ATP9B: variants seen among roughly 807,000 people sequenced by gnomAD.
ATP9B encodes ATPase phospholipid transporting 9B.
ATP9B carries 110 observed loss-of-function variants against 146.1 expected under a neutral mutation model. The observed-to-expected ratio is 0.75, with a 90% CI of 0.65 to 0.88. The LOEUF is 0.88. ATP9B is among the 40% of genes least tolerant of loss of function. The pLI is 0.00. For synonymous variants in ATP9B, 604 were observed against 569.7 expected (o/e 1.06, Z -0.86); for missense variants, 1,499 against 1,496.4 (o/e 1.00, Z -0.03).
At chr18:79,327,428 C>CGTGCTCTCCATGGTTAGT (rs1342414453) in intron 15 of ATP9B, among the ~76,000 whole-genome samples, 4 of 151,498 alleles carry the variant, frequency 2.6e-5, no homozygotes, top group Admixed American at 6.6e-5. Context: ...TTGCAGAGAG[C>CGTGCTCTCCATGGTTAGT]GTGCTCTCCA....
At chr18:79,283,910 CAG>C (rs2096405907) in intron 13 of ATP9B, among the ~76,000 whole-genome samples, 1 of 152,198 alleles carries the variant, frequency 6.6e-6, no homozygotes, top group Non-Finnish European at 1.5e-5. Flanking sequence ...AAACTTAACT[CAG>C]GGTGCAGCCT....
chr18:79,237,348 C>A (rs892593128), intron 11 of ATP9B, among the ~76,000 whole-genome samples: 1 of 145,418 alleles, frequency 6.9e-6, no homozygotes, highest in South Asian at 2.1e-4. Context: ...TGTGCACGGT[C>A]CGTGCACGAG....
intron 3 of ATP9B, 82 bp from the exon 4 acceptor site, chr18:79,113,157 GTT>G: frequency 1.5e-6 from 1 of 685,808 alleles, no homozygotes; most frequent in South Asian, 1.8e-5. Context: ...GTGGTTATAT[GTT>G]GTGCAGATTT....
intron 4 of ATP9B, among the ~76,000 whole-genome samples, chr18:79,119,388 A>T (rs893890747): frequency 9.9e-5 from 15 of 152,148 alleles, no homozygotes; most frequent in African/African-American, 3.6e-4. Flanking sequence ...TTCTTTTCAT[A>T]TGATTGTTCA....
chr18:79,371,453 G>A (rs999890671), intron 26 of ATP9B, among the ~76,000 whole-genome samples: 16 of 150,640 alleles, frequency 1.1e-4, no homozygotes, highest in African/African-American at 2.9e-4. Flanking sequence ...TCATATTCAC[G>A]TGTGAGGGCT....
chr18:79,299,309 C>T (rs1254004689), intron 13 of ATP9B, among the ~76,000 whole-genome samples: 1 of 152,218 alleles, frequency 6.6e-6, no homozygotes, highest in African/African-American at 2.4e-5. Context: ...CCTCCTCCCT[C>T]TCCAGCCCTT....
At position 79,302,286 on chromosome 18, in the gene ATP9B, C is replaced by T. The variant is rs568912918; in HGVS notation, c.1412-1318C>T. Among the ~76,000 whole-genome samples the T allele has an allele frequency of 6.6e-5, 10 of 152,258 alleles. No individual in the cohort carries two copies. The East Asian group carries it at 7.7e-4, about 12-fold the overall frequency. Reference sequence around the variant, plus strand: ...AGTGCAGAAACCTCCCTGCCCCCACCCTCCCCGGGGACAAGGTGAAAGCAG... The same window carrying T: ...AGTGCAGAAACCTCCCTGCCCCCACTCTCCCCGGGGACAAGGTGAAAGCAG... On this transcript the variant is annotated intron_variant, in intron 13 of 29. Transcript: ENST00000426216.
At chr18:79,220,180 A>G (rs1367620619) in intron 11 of ATP9B, among the ~76,000 whole-genome samples, 1 of 152,172 alleles carries the variant, frequency 6.6e-6, no homozygotes, top group Non-Finnish European at 1.5e-5. Context: ...CAAAGTAGTT[A>G]TTGGTGGTAA....
intron 1 of ATP9B, among the ~76,000 whole-genome samples, chr18:79,083,361 C>T (rs1056572060): frequency 1.3e-5 from 2 of 152,194 alleles, no homozygotes; most frequent in South Asian, 4.1e-4. Context: ...GTGGGATTCG[C>T]TGAGGTAGAT....
At chr18:79,352,914 T>G (rs1011788798) in intron 25 of ATP9B, 1 of 152,264 alleles carries the variant, frequency 6.6e-6, no homozygotes, top group South Asian at 2.1e-4. Context: ...TAAAATACTT[T>G]CAGTACATAT....
intron 13 of ATP9B, among the ~76,000 whole-genome samples, chr18:79,287,590 G>T (rs1432672620): frequency 6.6e-6 from 1 of 151,184 alleles, no homozygotes; most frequent in East Asian, 1.9e-4. Flanking sequence ...TTAATTTTTT[G>T]AAGGGTTTTT....
Position 79,307,045 on chromosome 18 carries a change from T to G in ATP9B, c.1584T>G (p.Ser528=), listed in dbSNP as rs774606517. 1.8e-5 allele frequency: 29 copies of G among 1,614,120 alleles called. No homozygotes were observed. The highest frequency in any genetic ancestry group is 2.5e-5 in the Non-Finnish European group (29 of 1,180,050). ...TGSTPLRKAQ[S]SAPKVRKSVS... Reference sequence around the variant, plus strand: ...CAACTCCACTAAGAAAAGCCCAATCTTCAGCTCCCAAAGTTAGGAAAAGTG... The same window carrying G: ...CAACTCCACTAAGAAAAGCCCAATCGTCAGCTCCCAAAGTTAGGAAAAGTG... The change falls in exon 15 of 30, where the codon TCT becomes TCG. Residue 528 remains serine, a synonymous_variant. Coordinates refer to ENST00000426216, the MANE Select transcript of ATP9B (RefSeq NM_198531.5).
In ATP9B at chr18:79,367,190, C is replaced by CG. The variant is rs1555886439; in HGVS notation, c.3013-5635_3013-5634insG. Among the ~76,000 whole-genome samples, 2 of 39,576 alleles carry CG rather than the reference C, an allele frequency of 5.1e-5. 1 individual carries two copies. The highest frequency in any genetic ancestry group is 5.2e-4 in the Admixed American group (2 of 3,854). The allele number at this position is 39,576 out of a possible 152,430, so 26.0% of individuals were successfully genotyped here. A position where few individuals can be genotyped will look rare whatever the true frequency, so the allele number is the denominator to read the frequency against. On this transcript the variant is annotated intron_variant, in intron 26 of 29. Transcript: ENST00000426216. ...CCAGAGAGCACACAGATACCTTCAC[C>CG]TCCACCGTGTGTATGCAGAGAAAGT...
intron 11 of ATP9B, among the ~76,000 whole-genome samples, chr18:79,248,898 A>G (rs1307413316): frequency 6.6e-6 from 1 of 152,200 alleles, no homozygotes; most frequent in Non-Finnish European, 1.5e-5. Flanking sequence ...TTGCACAGGC[A>G]CTTTGTTGAA....
intron 25 of ATP9B, among the ~76,000 whole-genome samples, chr18:79,349,912 C>A (rs1457524779): frequency 7.4e-6 from 1 of 135,456 alleles, no homozygotes. Flanking sequence ...CCCCACCATG[C>A]ACCTTCACAC....
At chr18:79,217,437 G>A (rs2095638173) in intron 11 of ATP9B, among the ~76,000 whole-genome samples, 1 of 152,224 alleles carries the variant, frequency 6.6e-6, no homozygotes, top group African/African-American at 2.4e-5. Flanking sequence ...GCCCGCCTCT[G>A]CCTCCCAAAG....
chr18:79,263,574 T>C (rs2096168086), intron 12 of ATP9B, among the ~76,000 whole-genome samples: 1 of 152,230 alleles, frequency 6.6e-6, no homozygotes, highest in African/African-American at 2.4e-5. Context: ...TTTGTCTTAT[T>C]CCTTTTGTTT....
intron 5 of ATP9B, among the ~76,000 whole-genome samples, chr18:79,140,564 C>G (rs2094501166): frequency 6.6e-6 from 1 of 151,618 alleles, no homozygotes; most frequent in East Asian, 1.9e-4. Flanking sequence ...CATCTGAGGT[C>G]AGGAGTTCAA....
chr18:79,123,513 A>G (rs575583166), intron 4 of ATP9B, among the ~76,000 whole-genome samples: 58 of 151,952 alleles, frequency 3.8e-4, no homozygotes, highest in African/African-American at 1.4e-3. Context: ...ACAGTATCCT[A>G]GCTGGCTTTT....
Sources: gnomAD v4.1 joint callset for allele counts (sites outside exome capture counted in the v4.1 genomes callset) on GRCh38, gnomAD v4.1.1 for gene constraint, MANE v1.5 for transcripts, NCBI Gene and HGNC (gene_info 2026-07-23, HGNC 2026-07-21) for gene names.